Variants in LRCH1 observed in about 807,000 individuals in gnomAD.
LRCH1 encodes leucine rich repeats and calponin homology domain containing 1, also known as leucine-rich repeat and calponin homology domain-containing protein 1.
A neutral mutation model predicts 94.9 loss-of-function variants in LRCH1; 23 were observed. The ratio of observed to expected loss-of-function variants is 0.24; its 90% confidence interval spans 0.17 to 0.34. The LOEUF is 0.34. LRCH1 is among the 10% of genes least tolerant of loss of function. The pLI, the probability that LRCH1 is intolerant of heterozygous loss-of-function variation, is 1.00. For synonymous variants in LRCH1, 364 were observed against 354.9 expected (o/e 1.03, Z -0.29); for missense variants, 790 against 945.9 (o/e 0.84, Z 2.16).
At chr13:46,728,249 T>G (rs1026612100) in intron 17 of LRCH1, among the ~76,000 whole-genome samples, 4 of 151,756 alleles carry the variant, frequency 2.6e-5, no homozygotes, top group African/African-American at 7.3e-5. Flanking sequence ...TTTTTCTTTT[T>G]CTGTCACCCA....
At chr13:46,747,750 T>C (rs1318130194), downstream of LRCH1, among the ~76,000 whole-genome samples, 1 of 152,146 alleles carries the variant, frequency 6.6e-6, no homozygotes, top group Non-Finnish European at 1.5e-5. Flanking sequence ...AATTTTTTTT[T>C]TTTTTGAGAT....
chr13:46,616,723 A>G (rs1053133156), intron 1 of LRCH1, among the ~76,000 whole-genome samples: 7 of 152,242 alleles, frequency 4.6e-5, no homozygotes, highest in East Asian at 1.9e-4. Flanking sequence ...GTTCGTGTGA[A>G]GAGACCACCA....
chr13:46,628,152 A>C (rs1021399751), intron 1 of LRCH1, among the ~76,000 whole-genome samples: 1 of 152,230 alleles, frequency 6.6e-6, no homozygotes, highest in Non-Finnish European at 1.5e-5. Flanking sequence ...TTCAGAAGAC[A>C]TACTACATTC....
chr13:46,657,592 A>ACAGC (rs2051391530), intron 2 of LRCH1, among the ~76,000 whole-genome samples: 1 of 120,670 alleles, frequency 8.3e-6, no homozygotes, highest in Admixed American at 1.1e-4. Flanking sequence ...TGGTGTGATC[A>ACAGC]CAGCTTACTG....
chr13:46,567,221 C>T (rs2137911956), intron 1 of LRCH1, among the ~76,000 whole-genome samples: 1 of 152,218 alleles, frequency 6.6e-6, no homozygotes, highest in Non-Finnish European at 1.5e-5. Context: ...ATTCCAAAGA[C>T]TGTTTTATTA....
At chr13:46,556,912 C>T (rs1470219908) in intron 1 of LRCH1, among the ~76,000 whole-genome samples, 1 of 152,136 alleles carries the variant, frequency 6.6e-6, no homozygotes, top group Non-Finnish European at 1.5e-5. Flanking sequence ...AAAGAGAATC[C>T]CTGTATCCCT....
At position 46,687,941 on chromosome 13, in the gene LRCH1, C is replaced by G. The variant is rs772103219; in HGVS notation, c.912C>G (p.Thr304=). The change falls in exon 6 of 20, where the codon ACC becomes ACG. Residue 304 remains threonine (T), a synonymous_variant. Transcript: ENST00000389797. ...CAGCTGACTCCCTTTATCTCCACAC[C>G]ATGGAGAGGCCACATTTACACCAGC... is the stretch of plus-strand genomic sequence containing the variant. ...IKTADSLYLH[T]MERPHLHQHV... is the part of the protein sequence containing the mutation. 6.2e-7 allele frequency: 1 copy of G among 1,612,320 alleles called. No individual in the cohort carries two copies.
chr13:46,681,426 A>G lies in LRCH1; in HGVS notation c.580-315A>G, dbSNP rs931731140. On this transcript the variant is annotated intron_variant, in intron 3 of 19. Transcript: ENST00000389797. ...TTGATTTGTAAATATTAGGCTAGCA[A>G]TATTGCCCAATGGGTTTGTGGTGAG... Among the ~76,000 whole-genome samples, 4 of 152,288 alleles carry G rather than the reference A, an allele frequency of 2.6e-5. No homozygotes were observed. The South Asian group carries it at 8.3e-4, about 32-fold the overall frequency.
intron 17 of LRCH1, among the ~76,000 whole-genome samples, chr13:46,724,156 T>C (rs1337068918): frequency 1.3e-5 from 2 of 152,042 alleles, no homozygotes; most frequent in Non-Finnish European, 2.9e-5. Flanking sequence ...ACTCAGCTAA[T>C]TTTTTGTATT....
At chr13:46,572,772 C>T (rs1366071307) in intron 1 of LRCH1, among the ~76,000 whole-genome samples, 1 of 152,018 alleles carries the variant, frequency 6.6e-6, no homozygotes, top group Non-Finnish European at 1.5e-5. Flanking sequence ...AGAGGTGCTG[C>T]ATTTTTTTTC....
Position 46,677,816 on chromosome 13 carries a change from T to C in LRCH1, c.580-3925T>C, listed in dbSNP as rs2051698185. On this transcript the variant is annotated intron_variant, in intron 3 of 19. Transcript: ENST00000389797. The stretch of plus-strand genomic sequence containing the variant: ...TAAAAAACTTAAACTTGAGTATTTA[T>C]ATTACTATAATTAGATTCGTTTCTA... 2.0e-5 allele frequency among the ~76,000 whole-genome samples: 3 copies of C among 152,372 alleles called. No homozygotes were observed. The South Asian group carries it at 6.2e-4, about 32-fold the overall frequency.
chr13:46,667,255 G>C (rs1357914719), intron 2 of LRCH1, among the ~76,000 whole-genome samples: 1 of 152,090 alleles, frequency 6.6e-6, no homozygotes, highest in Non-Finnish European at 1.5e-5. Context: ...TGTTGACAAG[G>C]CCGTGCCCAG....
intron 1 of LRCH1, among the ~76,000 whole-genome samples, chr13:46,603,339 A>G (rs2050652089): frequency 6.6e-6 from 1 of 151,998 alleles, no homozygotes; most frequent in Non-Finnish European, 1.5e-5. Context: ...AATCTCTGTC[A>G]GCCCCATTCT....
chr13:46,728,019 A>G (rs1243510794), intron 17 of LRCH1, among the ~76,000 whole-genome samples: 1 of 151,386 alleles, frequency 6.6e-6, no homozygotes, highest in African/African-American at 2.4e-5. Flanking sequence ...TGAGTTCAAG[A>G]CATCCTCCCA....
At chr13:46,695,138 A>C in intron 9 of LRCH1, 121 bp downstream of exon 9, 5 of 1,211,546 alleles carry the variant, frequency 4.1e-6, no homozygotes, top group African/African-American at 1.5e-5. Context: ...ACCCTCCCTG[A>C]AGCGTTCCAA....
chr13:46,556,220 G>A (rs764141782), intron 1 of LRCH1, among the ~76,000 whole-genome samples: 1 of 152,092 alleles, frequency 6.6e-6, no homozygotes, highest in Non-Finnish European at 1.5e-5. Context: ...TTTGGTTTAC[G>A]CCTTGTAAAA....
intron 1 of LRCH1, among the ~76,000 whole-genome samples, chr13:46,643,746 TGATAC>T (rs1449957898): frequency 6.6e-6 from 1 of 152,150 alleles, no homozygotes; most frequent in East Asian, 1.9e-4. Flanking sequence ...GAGGATTAAA[TGATAC>T]TCAGAGAAAA....
chr13:46,701,051 T>C, intron 10 of LRCH1, 70 bp from the exon 11 acceptor site: 1 of 967,178 alleles, frequency 1.0e-6, no homozygotes, highest in Non-Finnish European at 1.6e-6. Flanking sequence ...TAAGTTTGCT[T>C]TTTAAGAAAT....
chr13:46,702,456 C>T (rs555184952), intron 11 of LRCH1, among the ~76,000 whole-genome samples: 33 of 152,166 alleles, frequency 2.2e-4, no homozygotes, highest in East Asian at 1.9e-3. Context: ...GAGCCGAGAT[C>T]GTGCCACCAC....
Sources: gnomAD v4.1 joint callset for allele counts (sites outside exome capture counted in the v4.1 genomes callset) on GRCh38, gnomAD v4.1.1 for gene constraint, MANE v1.5 for transcripts, NCBI Gene and HGNC (gene_info 2026-07-23, HGNC 2026-07-21) for gene names.